Variants in RTN1 observed in about 807,000 individuals in gnomAD.
RTN1 encodes reticulon 1.
RTN1 carries 25 observed loss-of-function variants against 65.5 expected under a neutral mutation model. The ratio of observed to expected loss-of-function variants is 0.38; its 90% CI spans 0.28 to 0.53. The LOEUF (loss-of-function observed/expected upper bound fraction) is 0.53. Ranked by LOEUF, RTN1 falls within the 20% of genes least tolerant of loss-of-function variation. RTN1 has a pLI of 0.79. For missense variants in RTN1, 983 were observed against 1,025.4 expected, an observed-to-expected ratio of 0.96 and a Z score of 0.57; for synonymous variants, 471 against 447.6, an observed-to-expected ratio of 1.05 and a Z score of -0.66.
At chr14:59,605,537 C>T (rs770408388) in intron 4 of RTN1, 31 bp from the exon 5 acceptor site, 17 of 1,611,280 alleles carry the variant, frequency 1.1e-5, no homozygotes, top group Admixed American at 5.0e-5. Flanking sequence ...CAGAAAATTC[C>T]GTCAGAGGGA....
chr14:59,635,320 T>C (rs1438926753), intron 3 of RTN1, among the ~76,000 whole-genome samples: 1 of 152,158 alleles, frequency 6.6e-6, no homozygotes, highest in Admixed American at 6.5e-5. Flanking sequence ...TAACAGACCT[T>C]TTCAAATATG....
intron 3 of RTN1, among the ~76,000 whole-genome samples, chr14:59,711,312 T>C (rs1884413806): frequency 6.6e-6 from 1 of 152,202 alleles, no homozygotes; most frequent in South Asian, 2.1e-4. Flanking sequence ...ATTGCCTATG[T>C]CAGCTGAACC....
chr14:59,725,607 G>C lies in RTN1; in HGVS notation c.1765+1312C>G, dbSNP rs576321885. ...CTTCCCTATCACACACACTAAATAT[G>C]CTTTCAGCTCTTTAAGAAGAGCTAT... On this transcript the variant is annotated intron_variant, in intron 3 of 8. Transcript: ENST00000267484. Among the ~76,000 whole-genome samples the C allele has an allele frequency of 3.9e-5, 6 of 152,246 alleles. No homozygotes were observed. In the East Asian group the frequency reaches 1.2e-3, roughly 29 times the overall value.
At chr14:59,655,826 C>G (rs1387359395) in intron 3 of RTN1, among the ~76,000 whole-genome samples, 2 of 152,098 alleles carry the variant, frequency 1.3e-5, no homozygotes, top group Non-Finnish European at 2.9e-5. Flanking sequence ...ACACCATACA[C>G]AAAAATTAAC....
chr14:59,822,174 G>A (rs1348049171), intron 1 of RTN1, among the ~76,000 whole-genome samples: 1 of 152,108 alleles, frequency 6.6e-6, no homozygotes, highest in African/African-American at 2.4e-5. Context: ...TTTTATTGTT[G>A]ATTCAGTTTT....
In RTN1 at chr14:59,687,946, T is replaced by C. The variant is rs528533577; in HGVS notation, c.1765+38973A>G. Among the ~76,000 whole-genome samples, 5 of 152,068 alleles carry C rather than the reference T, an allele frequency of 3.3e-5. No homozygotes were observed. The South Asian group carries it at 1.0e-3, about 32-fold the overall frequency. On this transcript the variant is annotated intron_variant, in intron 3 of 8. Transcript: ENST00000267484. ...ATACAGAGAGCCTGTTTGCCTAGGA[T>C]TGGCAGCCTGAACCACCCCACCATT...
At chr14:59,627,777 A>AGTT (rs1366866406) in intron 3 of RTN1, among the ~76,000 whole-genome samples, 3 of 152,016 alleles carry the variant, frequency 2.0e-5, no homozygotes, top group Non-Finnish European at 4.4e-5. Context: ...CACTATAATT[A>AGTT]GTTTCAGTGG....
At chr14:59,776,193 T>C (rs969879248) in intron 1 of RTN1, among the ~76,000 whole-genome samples, 3 of 152,054 alleles carry the variant, frequency 2.0e-5, no homozygotes, top group African/African-American at 7.2e-5. Flanking sequence ...CTTGAATGTG[T>C]CCCCCAAAGT....
intron 3 of RTN1, chr14:59,610,106 A>C (rs747907977): frequency 1.5e-5 from 12 of 777,128 alleles, no homozygotes; most frequent in South Asian, 8.1e-5. Context: ...TCCCCTCTGA[A>C]TGAATTGCTT....
chr14:59,836,556 C>G lies in RTN1; in HGVS notation c.241+33834G>C, dbSNP rs893031571. Among the ~76,000 whole-genome samples, 1 of 152,058 alleles carries G rather than the reference C, an allele frequency of 6.6e-6. No individual in the cohort carries two copies. Among genetic ancestry groups the G allele is most frequent in the Non-Finnish European group, 1.5e-5 (1 of 68,022 alleles). ...TTGCTATTAGAAAAAATTGATGAAA[C>G]CAGGAGGGAGGACATCCCAGATTTT... On this transcript the variant is annotated intron_variant, in intron 1 of 8. Coordinates refer to ENST00000267484, the MANE Select transcript of RTN1 (RefSeq NM_021136.3). This position sits in a 1 kb window ranked among gnomAD's most constrained non-coding sequence, Gnocchi z 4.9.
intron 1 of RTN1, among the ~76,000 whole-genome samples, chr14:59,793,636 C>A (rs890445452): frequency 2.8e-5 from 4 of 144,216 alleles, no homozygotes; most frequent in South Asian, 2.2e-4. Context: ...CAGGCACACA[C>A]CACACACACA....
At chr14:59,757,859 T>G (rs1885670875) in intron 1 of RTN1, among the ~76,000 whole-genome samples, 1 of 152,154 alleles carries the variant, frequency 6.6e-6, no homozygotes. Flanking sequence ...ATAGTATATT[T>G]GTTACAACTG....
At chr14:59,799,692 G>A (rs1158045409) in intron 1 of RTN1, among the ~76,000 whole-genome samples, 2 of 152,262 alleles carry the variant, frequency 1.3e-5, no homozygotes, top group African/African-American at 4.8e-5. Context: ...AGAGCAGAGT[G>A]TCCTTTGGTG....
At chr14:59,814,651 C>T (rs1886787632) in intron 1 of RTN1, among the ~76,000 whole-genome samples, 1 of 152,236 alleles carries the variant, frequency 6.6e-6, no homozygotes. Context: ...CCAACTTCAA[C>T]ATACTCTTTG....
At chr14:59,623,545 G>A (rs377424267) in intron 3 of RTN1, among the ~76,000 whole-genome samples, 15 of 152,292 alleles carry the variant, frequency 9.8e-5, no homozygotes, top group African/African-American at 3.4e-4. Flanking sequence ...TGATAGTTGA[G>A]GCATGAAGAA....
At chr14:59,720,663 G>A (rs2017695) in intron 3 of RTN1, among the ~76,000 whole-genome samples, 68,326 of 150,870 alleles carry the variant, frequency 0.45, 16,924 homozygotes, top group African/African-American at 0.65. Context: ...TGGAGGTTTC[G>A]GTGAGCTGAG....
intron 3 of RTN1, among the ~76,000 whole-genome samples, chr14:59,671,322 T>C (rs1344584074): frequency 1.3e-5 from 2 of 152,198 alleles, no homozygotes; most frequent in Non-Finnish European, 2.9e-5. Context: ...AGGCCCACGA[T>C]CCAGAGTTCT....
intron 3 of RTN1, among the ~76,000 whole-genome samples, chr14:59,640,653 C>A (rs1467216210): frequency 6.6e-6 from 1 of 152,076 alleles, no homozygotes; most frequent in South Asian, 2.1e-4. Flanking sequence ...AGTTTCTTGG[C>A]ATAAATTTTT....
rs551698132 is a variant in RTN1, at chr14:59,870,128, C to A, written c.241+262G>T. ...GAATGCTGCTGTTTGCCTATGAGAA[C>A]AATTTTTAAAGCGGAAATAATCATG... On this transcript the variant is annotated intron_variant, in intron 1 of 8. Coordinates refer to ENST00000267484, the MANE Select transcript of RTN1 (RefSeq NM_021136.3). The surrounding 1 kb of genome is among the most constrained non-coding windows in gnomAD (Gnocchi z 5.1). Among the ~76,000 whole-genome samples the A allele has an allele frequency of 1.3e-5, 2 of 152,320 alleles. No individual in the cohort carries two copies. Among genetic ancestry groups the A allele is most frequent in the South Asian group, 2.1e-4 (1 of 4,826 alleles).
Sources: allele counts gnomAD v4.1 joint callset (sites outside exome capture counted in the v4.1 genomes callset), GRCh38; gene constraint gnomAD v4.1.1; non-coding constraint Gnocchi (gnomAD v3.1); transcripts MANE v1.5; gene names NCBI Gene and HGNC (gene_info 2026-07-23, HGNC 2026-07-21).